WDR70: variants seen among roughly 807,000 people sequenced by gnomAD.
The protein encoded by WDR70 is WD repeat-containing protein 70.
In WDR70, 53 loss-of-function variants were observed where a neutral mutation model predicts 88.6. The ratio of observed to expected loss-of-function variants is 0.60; its 90% confidence interval spans 0.48 to 0.75. The LOEUF (loss-of-function observed/expected upper bound fraction) is 0.75. Among genes scored for constraint, WDR70 ranks in the 30% least tolerant of loss-of-function variants. WDR70 has a pLI of 0.00. For missense variants in WDR70, 610 were observed against 823.2 expected, an observed-to-expected ratio of 0.74 and a Z score of 3.17; for synonymous variants, 280 against 270.0, an observed-to-expected ratio of 1.04 and a Z score of -0.36.
At position 37,669,754 on chromosome 5, in the gene WDR70, A is replaced by G. The variant is rs368621946; in HGVS notation, c.1093-27901A>G. ...ACCATGCGTTTGTGAAGGAGAGAGG[A>G]AAGAATGGAATATTGAATATCCATC... On this transcript the variant is annotated intron_variant, in intron 10 of 17. Coordinates refer to ENST00000265107, the MANE Select transcript of WDR70 (RefSeq NM_018034.4). 2.0e-5 allele frequency among the ~76,000 whole-genome samples: 3 copies of G among 152,332 alleles called. No homozygotes were observed. The East Asian group carries it at 5.8e-4, about 29-fold the overall frequency.
intron 13 of WDR70, 48 bp downstream of exon 13, chr5:37,703,135 C>G (rs1274144680): frequency 6.4e-7 from 1 of 1,574,540 alleles, no homozygotes; most frequent in African/African-American, 1.3e-5. Context: ...TAAAGTTTGC[C>G]TCTTACCCAT....
intron 5 of WDR70, among the ~76,000 whole-genome samples, chr5:37,423,941 G>T: frequency 3.4e-5 from 5 of 148,204 alleles, no homozygotes; most frequent in Admixed American, 1.3e-4. Context: ...CTGAGGTCAG[G>T]AGTTCAAGAC....
intron 9 of WDR70, among the ~76,000 whole-genome samples, chr5:37,523,910 C>T (rs1049218404): frequency 2.6e-5 from 4 of 151,934 alleles, no homozygotes; most frequent in South Asian, 2.1e-4. Flanking sequence ...TGAAATGAAG[C>T]GAGAAGAGAC....
At chr5:37,379,414 C>G in intron 1 of WDR70, 22 bp downstream of exon 1, 2 of 1,613,568 alleles carry the variant, frequency 1.2e-6, no homozygotes, top group Non-Finnish European at 1.7e-6. Flanking sequence ...GAGGCGAGTC[C>G]GGGCGGGGTG....
chr5:37,564,846 C>T (rs1326805114), intron 9 of WDR70, among the ~76,000 whole-genome samples: 1 of 151,954 alleles, frequency 6.6e-6, no homozygotes, highest in South Asian at 2.1e-4. Context: ...TTTTAAGAAA[C>T]CTTTTTTCAT....
rs189643213 is a variant in WDR70, at chr5:37,386,959, G to A, written c.176-5041G>A. Among the ~76,000 whole-genome samples, 3 of 152,184 alleles carry A rather than the reference G, an allele frequency of 2.0e-5. No homozygotes were observed. The East Asian group carries it at 5.8e-4, about 29-fold the overall frequency. On this transcript the variant is annotated intron_variant, in intron 3 of 17. Coordinates refer to ENST00000265107, the MANE Select transcript of WDR70 (RefSeq NM_018034.4). ...CTAAAGATACAAAAATTAACCGGGT[G>A]TGGGTGGTGGGCACCTGTAGTGCCA...
intron 10 of WDR70, among the ~76,000 whole-genome samples, chr5:37,661,880 C>G (rs557229947): frequency 6.6e-6 from 1 of 152,206 alleles, no homozygotes; most frequent in Non-Finnish European, 1.5e-5. Flanking sequence ...GGTTCAGACT[C>G]TTGCAGCCAG....
rs560220634 is a variant in WDR70 at position 37,643,966 on chromosome 5, TG to T, written c.1092+38729del. On this transcript the variant is annotated intron_variant, in intron 10 of 17. Transcript: ENST00000265107. Reference sequence around the variant, plus strand: ...TTGACTTCTTCCTTTCCAATTTGGATGTTTTTTTATTTTTTCACTTGTCTAA... The same window carrying T: ...TTGACTTCTTCCTTTCCAATTTGGATTTTTTTTATTTTTTCACTTGTCTAA... 8.1e-3 allele frequency among the ~76,000 whole-genome samples: 1,239 copies of T among 152,206 alleles called. 18 individuals carry two copies. The highest frequency in any genetic ancestry group is 0.028 in the African/African-American group (1,172 of 41,572).
chr5:37,734,600 A>T (rs1353506289), intron 17 of WDR70, among the ~76,000 whole-genome samples: 1 of 152,088 alleles, frequency 6.6e-6, no homozygotes, highest in Non-Finnish European at 1.5e-5. Context: ...TAAAAGGGGG[A>T]CATAGATAAA....
At chr5:37,657,340 A>G (rs1015204480) in intron 10 of WDR70, among the ~76,000 whole-genome samples, 2 of 152,102 alleles carry the variant, frequency 1.3e-5, no homozygotes, top group Non-Finnish European at 1.5e-5. Context: ...ACCAGTCCCA[A>G]TGAGATAAGC....
chr5:37,397,271 T>C (rs2111906131), intron 5 of WDR70, among the ~76,000 whole-genome samples: 1 of 150,002 alleles, frequency 6.7e-6, no homozygotes, highest in South Asian at 2.1e-4. Context: ...CAGAAAGCAA[T>C]GTGTTAAAAA....
chr5:37,605,159 G>C lies in WDR70; in HGVS notation c.1013G>C (p.Cys338Ser), dbSNP rs1369081954. 1 of 1,613,246 alleles carries C rather than the reference G, an allele frequency of 6.2e-7. No homozygotes were observed. Among genetic ancestry groups the C allele is most frequent in the Non-Finnish European group, 8.5e-7 (1 of 1,179,654 alleles). ...GGCAAAAAAGTCATTCCCACTACGT[G>C]CACATATAGTAGAGATGGAAACCTC... Reference protein sequence around the residue: ...MQGKKVIPTTCTYSRDGNLIA... With the variant: ...MQGKKVIPTTSTYSRDGNLIA... The change falls in exon 10 of 18, where the codon TGC (cysteine) becomes TCC (serine). Residue 338 changes from cysteine (C) to serine (S), a missense_variant. Transcript: ENST00000265107.
intron 7 of WDR70, among the ~76,000 whole-genome samples, chr5:37,473,349 T>A (rs1739385324): frequency 6.6e-6 from 1 of 150,878 alleles, no homozygotes; most frequent in South Asian, 2.1e-4. Flanking sequence ...TATTCTTTTT[T>A]TTTTTTTTTT....
At chr5:37,649,386 G>A (rs1309307383) in intron 10 of WDR70, among the ~76,000 whole-genome samples, 1 of 150,986 alleles carries the variant, frequency 6.6e-6, no homozygotes, top group Non-Finnish European at 1.5e-5. Context: ...TTTCCTGAAG[G>A]TCTGTACATA....
rs70978834 is a variant in WDR70 at position 37,649,733 on chromosome 5, C to CTTTTTTTTTTT, written c.1092+44507_1092+44517dup. ...ATATACATTCACGATGTTATTACTT[C>CTTTTTTTTTTT]TTTTTTTTTTTTTTTTTTTTTTGAG... On this transcript the variant is annotated intron_variant, in intron 10 of 17. Transcript: ENST00000265107. Among the ~76,000 whole-genome samples the CTTTTTTTTTTT allele has an allele frequency of 2.3e-3, 160 of 68,740 alleles. 11 individuals are homozygous for CTTTTTTTTTTT. Among genetic ancestry groups the CTTTTTTTTTTT allele is most frequent in the African/African-American group, 6.5e-3 (102 of 15,614 alleles). The allele number at this position is 68,740 out of a possible 152,430, so 45.1% of individuals were successfully genotyped here.
chr5:37,751,741 G>A (rs1025662343), intron 17 of WDR70, among the ~76,000 whole-genome samples: 1 of 152,164 alleles, frequency 6.6e-6, no homozygotes, highest in African/African-American at 2.4e-5. Flanking sequence ...ACCAAAAGGG[G>A]CAGACATTAT....
At chr5:37,439,696 G>T (rs1165128866) in intron 6 of WDR70, among the ~76,000 whole-genome samples, 1 of 149,344 alleles carries the variant, frequency 6.7e-6, no homozygotes, top group East Asian at 2.0e-4. Flanking sequence ...ATAAATGTTG[G>T]ATTAGAAGGT....
At chr5:37,550,915 T>C (rs566999025) in intron 9 of WDR70, among the ~76,000 whole-genome samples, 14 of 152,336 alleles carry the variant, frequency 9.2e-5, no homozygotes, top group South Asian at 4.1e-4. Context: ...GAGGTTACTA[T>C]GAGGCTTGCA....
intron 17 of WDR70, among the ~76,000 whole-genome samples, chr5:37,740,139 G>A (rs1298929546): frequency 6.6e-6 from 1 of 152,060 alleles, no homozygotes; most frequent in Non-Finnish European, 1.5e-5. Flanking sequence ...GGGCAAATTA[G>A]ACCATCCCCC....
Sources: gnomAD v4.1 joint callset for allele counts (sites outside exome capture counted in the v4.1 genomes callset) on GRCh38, gnomAD v4.1.1 for gene constraint, MANE v1.5 for transcripts, NCBI Gene and HGNC (gene_info 2026-07-23, HGNC 2026-07-21) for gene names.